PTPRD: variants seen among roughly 807,000 people sequenced by gnomAD.
PTPRD encodes protein tyrosine phosphatase receptor type D, also known as receptor-type tyrosine-protein phosphatase delta.
In PTPRD, 34 loss-of-function variants were observed where a neutral mutation model predicts 214.5. The ratio of observed to expected loss-of-function variants is 0.16; its 90% confidence interval spans 0.12 to 0.21. The LOEUF (loss-of-function observed/expected upper bound fraction) is 0.21. PTPRD is among the 10% of genes least tolerant of loss of function. The probability of loss-of-function intolerance (pLI) is 1.00; values close to 1 mark genes in which losing one functional copy is unlikely to be tolerated. For missense variants in PTPRD, 2,545 were observed against 2,398.7 expected (o/e 1.06, Z -1.27); for synonymous variants, 1,128 against 845.7 (o/e 1.33, Z -5.79).
At chr9:8,871,493 A>G (rs1288844361) in intron 11 of PTPRD, among the ~76,000 whole-genome samples, 1 of 152,162 alleles carries the variant, frequency 6.6e-6, no homozygotes, top group Non-Finnish European at 1.5e-5. Context: ...TTTATGGTAG[A>G]GTTAGACTTC....
At chr9:8,751,613 G>C (rs2093540808) in intron 11 of PTPRD, among the ~76,000 whole-genome samples, 1 of 152,150 alleles carries the variant, frequency 6.6e-6, no homozygotes, top group Admixed American at 6.5e-5. Context: ...GGCCTGCTGT[G>C]AGTCAATTGC....
chr9:10,205,584 T>A (rs1245900691), intron 3 of PTPRD, among the ~76,000 whole-genome samples: 1 of 151,814 alleles, frequency 6.6e-6, no homozygotes, highest in Non-Finnish European at 1.5e-5. Flanking sequence ...TTTTTATGTG[T>A]TTAGTAAAGA....
intron 11 of PTPRD, among the ~76,000 whole-genome samples, chr9:8,931,196 C>A (rs2098950013): frequency 6.6e-6 from 1 of 151,960 alleles, no homozygotes; most frequent in East Asian, 1.9e-4. Context: ...CCAGTTTTCC[C>A]AGCACCATTT....
chr9:8,424,349 T>G (rs897289852), intron 35 of PTPRD, among the ~76,000 whole-genome samples: 1 of 152,144 alleles, frequency 6.6e-6, no homozygotes, highest in African/African-American at 2.4e-5. Flanking sequence ...CTACACGGGT[T>G]CATATCCTAG....
chr9:9,101,865 G>A lies in PTPRD; in HGVS notation c.-143+81439C>T, dbSNP rs577281474. ...TATTTCAATTATTCCAGAATTCTAG[G>A]ATTACTTAAAATTTTAATCCGTATT... On this transcript the variant is annotated intron_variant, in intron 10 of 45. Coordinates refer to ENST00000381196, the MANE Select transcript of PTPRD (RefSeq NM_002839.4). Among the ~76,000 whole-genome samples, 3 of 152,118 alleles carry A rather than the reference G, an allele frequency of 2.0e-5. No individual in the cohort carries two copies. In the South Asian group the frequency reaches 6.2e-4, roughly 32 times the overall value.
At chr9:8,375,536 T>C (rs906110962) in intron 39 of PTPRD, among the ~76,000 whole-genome samples, 10 of 151,720 alleles carry the variant, frequency 6.6e-5, no homozygotes, top group Non-Finnish European at 1.5e-4. Flanking sequence ...TTTTGTTCAG[T>C]AATTTTTTTC....
chr9:9,143,515 T>G (rs1444027454), intron 10 of PTPRD, among the ~76,000 whole-genome samples: 2 of 152,218 alleles, frequency 1.3e-5, no homozygotes, highest in East Asian at 3.8e-4. Flanking sequence ...TTAAAATTAT[T>G]GATGAAAATC....
chr9:10,487,736 C>T (rs982124051), intron 2 of PTPRD, among the ~76,000 whole-genome samples: 1 of 151,678 alleles, frequency 6.6e-6, no homozygotes, highest in Admixed American at 6.6e-5. Flanking sequence ...ACTTAGAGGA[C>T]AAATTGATAG....
intron 11 of PTPRD, among the ~76,000 whole-genome samples, chr9:8,858,689 GCCCGCTGC>G (rs2098015045): frequency 3.6e-5 from 1 of 27,968 alleles, no homozygotes; most frequent in Non-Finnish European, 8.8e-5. Flanking sequence ...GGAGAGCTGG[GCCCGCTGC>G]GCCCGCTGGC....
intron 2 of PTPRD, among the ~76,000 whole-genome samples, chr9:10,569,846 G>T (rs974535161): frequency 1.3e-5 from 2 of 151,850 alleles, no homozygotes; most frequent in African/African-American, 4.8e-5. Flanking sequence ...GTATATTTGT[G>T]GATGTAAAGA....
At chr9:9,617,454 G>T (rs982819951) in intron 7 of PTPRD, among the ~76,000 whole-genome samples, 1 of 152,116 alleles carries the variant, frequency 6.6e-6, no homozygotes, top group Admixed American at 6.6e-5. Flanking sequence ...AATCTTTTAC[G>T]GAAATAAGTA....
At chr9:10,109,950 A>G (rs897634357) in intron 3 of PTPRD, among the ~76,000 whole-genome samples, 1 of 151,730 alleles carries the variant, frequency 6.6e-6, no homozygotes, top group Non-Finnish European at 1.5e-5. Flanking sequence ...GATATATGCC[A>G]ATGTTTTATG....
chr9:9,388,112 G>A (rs777206133), intron 9 of PTPRD, among the ~76,000 whole-genome samples: 1 of 152,096 alleles, frequency 6.6e-6, no homozygotes, highest in East Asian at 1.9e-4. Flanking sequence ...TCAGCAGATG[G>A]GGGAGCCAGA....
intron 8 of PTPRD, among the ~76,000 whole-genome samples, chr9:9,534,496 A>G (rs2076127051): frequency 6.6e-6 from 1 of 152,104 alleles, no homozygotes; most frequent in African/African-American, 2.4e-5. Context: ...TGACAGTTTT[A>G]TACAATGGTT....
chr9:8,654,274 C>G (rs1490116317), intron 12 of PTPRD, among the ~76,000 whole-genome samples: 2 of 152,096 alleles, frequency 1.3e-5, no homozygotes, highest in Non-Finnish European at 2.9e-5. Flanking sequence ...CTGCTCTATT[C>G]CATTTAAATA....
At chr9:9,834,686 T>A (rs573969054) in intron 5 of PTPRD, among the ~76,000 whole-genome samples, 3 of 152,152 alleles carry the variant, frequency 2.0e-5, no homozygotes, top group African/African-American at 7.2e-5. Flanking sequence ...TAATTGCATA[T>A]CTCTAGGAAG....
intron 14 of PTPRD, among the ~76,000 whole-genome samples, chr9:8,582,359 T>C (rs908086399): frequency 2.0e-5 from 3 of 152,184 alleles, no homozygotes; most frequent in Non-Finnish European, 2.9e-5. Flanking sequence ...TTTTTGAACA[T>C]GACACAAAAA....
intron 3 of PTPRD, among the ~76,000 whole-genome samples, chr9:10,127,925 C>G (rs2098831800): frequency 6.6e-6 from 1 of 152,110 alleles, no homozygotes; most frequent in Non-Finnish European, 1.5e-5. Context: ...TGGAGAATGG[C>G]AAATCACAAA....
At chr9:10,598,172 G>A (rs1038204025) in intron 2 of PTPRD, among the ~76,000 whole-genome samples, 1 of 151,764 alleles carries the variant, frequency 6.6e-6, no homozygotes, top group African/African-American at 2.4e-5. Flanking sequence ...TAACTGTAGA[G>A]TATCAGTGTT....
Sources: gnomAD v4.1 joint callset for allele counts (sites outside exome capture counted in the v4.1 genomes callset) on GRCh38, gnomAD v4.1.1 for gene constraint, MANE v1.5 for transcripts, NCBI Gene and HGNC (gene_info 2026-07-23, HGNC 2026-07-21) for gene names.